CCDC7: variants seen among roughly 807,000 people sequenced by gnomAD.
CCDC7 encodes the protein coiled-coil domain containing 7.
In CCDC7, 183 loss-of-function variants were observed where a neutral mutation model predicts 196.9. That is an observed-to-expected ratio of 0.93 (90% CI 0.82 to 1.05). The LOEUF is 1.05. Among genes scored for constraint, CCDC7 ranks in the 50% least tolerant of loss-of-function variants. CCDC7 has a pLI of 0.00. For missense variants in CCDC7, 1,540 were observed against 1,482.2 expected, an observed-to-expected ratio of 1.04 and a Z score of -0.64; for synonymous variants, 525 against 484.6, an observed-to-expected ratio of 1.08 and a Z score of -1.10.
At chr10:32,709,117 T>C (rs1363430141) in intron 24 of CCDC7, among the ~76,000 whole-genome samples, 2 of 152,048 alleles carry the variant, frequency 1.3e-5, no homozygotes, top group African/African-American at 2.4e-5. Flanking sequence ...GTGGCACATA[T>C]ACACCATGGA....
At chr10:32,700,795 G>T (rs900221077) in intron 24 of CCDC7, among the ~76,000 whole-genome samples, 1 of 152,052 alleles carries the variant, frequency 6.6e-6, no homozygotes, top group African/African-American at 2.4e-5. Flanking sequence ...GGATTCCTAG[G>T]TATTTTATTT....
chr10:32,730,646 T>C (rs1172080184), intron 28 of CCDC7, among the ~76,000 whole-genome samples: 1 of 152,054 alleles, frequency 6.6e-6, no homozygotes, highest in Non-Finnish European at 1.5e-5. Context: ...TGTATTTATA[T>C]GCTTATATTT....
intron 30 of CCDC7, among the ~76,000 whole-genome samples, chr10:32,808,316 A>T (rs2086297295): frequency 1.3e-5 from 2 of 152,086 alleles, no homozygotes; most frequent in African/African-American, 2.4e-5. Context: ...GGGACCTCAC[A>T]ATAGGCCCAG....
rs540504703 is a variant in CCDC7 at position 32,849,142 on chromosome 10, G to A, written c.3895+424G>A. On this transcript the variant is annotated intron_variant, in intron 39 of 41. Transcript: ENST00000639629. ...TTTTTTTTTTCATTTATACCCATCC[G>A]AAAGTTACTAAATTATATCTCACTC... Among the ~76,000 whole-genome samples the A allele has an allele frequency of 7.4e-5, 11 of 149,400 alleles. No homozygotes were observed. In the East Asian group the frequency reaches 1.4e-3, roughly 19 times the overall value.
At chr10:32,732,577 G>A (rs773932201) in intron 28 of CCDC7, among the ~76,000 whole-genome samples, 1 of 151,902 alleles carries the variant, frequency 6.6e-6, no homozygotes, top group East Asian at 1.9e-4. Flanking sequence ...TTTGTTCTAT[G>A]TTTCTAAAGC....
At chr10:32,521,716 G>A (rs2047908874) in intron 11 of CCDC7, among the ~76,000 whole-genome samples, 1 of 151,770 alleles carries the variant, frequency 6.6e-6, no homozygotes, top group African/African-American at 2.4e-5. Flanking sequence ...GATTGCTCTA[G>A]TGAGAACTTC....
intron 25 of CCDC7, among the ~76,000 whole-genome samples, chr10:32,713,107 G>A (rs2081075222): frequency 6.6e-6 from 1 of 152,254 alleles, no homozygotes; most frequent in South Asian, 2.1e-4. Context: ...GCTAGTGTTG[G>A]TTCATATAGA....
intron 16 of CCDC7, among the ~76,000 whole-genome samples, chr10:32,582,146 T>C (rs924799331): frequency 5.2e-5 from 4 of 76,224 alleles, no homozygotes; most frequent in African/African-American, 1.5e-4. Flanking sequence ...ATATACTTTT[T>C]TTTTCAGAGC....
chr10:32,840,331 T>C (rs1420220403), intron 33 of CCDC7, among the ~76,000 whole-genome samples: 1 of 151,994 alleles, frequency 6.6e-6, no homozygotes. Context: ...TTACAACTTA[T>C]ACCACAGAAA....
At chr10:32,593,047 C>A (rs924174925) in intron 18 of CCDC7, among the ~76,000 whole-genome samples, 2 of 152,148 alleles carry the variant, frequency 1.3e-5, no homozygotes, top group Non-Finnish European at 2.9e-5. Context: ...GATTTATAAT[C>A]CTTTGGGTAT....
intron 1 of CCDC7, among the ~76,000 whole-genome samples, chr10:32,452,525 T>C (rs1186700912): frequency 6.6e-6 from 1 of 152,382 alleles, no homozygotes; most frequent in African/African-American, 2.4e-5. Flanking sequence ...TGGCATGATC[T>C]TGGCTCACTG....
At chr10:32,869,701 T>C (rs1224592195) in intron 41 of CCDC7, among the ~76,000 whole-genome samples, 1 of 152,204 alleles carries the variant, frequency 6.6e-6, no homozygotes, top group East Asian at 1.9e-4. Flanking sequence ...GGTTTAGGTC[T>C]AACATTTAGG....
intron 37 of CCDC7, among the ~76,000 whole-genome samples, chr10:32,847,458 G>C (rs757702996): frequency 1.3e-5 from 2 of 152,078 alleles, no homozygotes; most frequent in Non-Finnish European, 2.9e-5. Flanking sequence ...AGAGTTAAAG[G>C]AAATTATTCT....
intron 8 of CCDC7, among the ~76,000 whole-genome samples, chr10:32,485,220 G>A (rs2040800336): frequency 6.6e-6 from 1 of 152,190 alleles, no homozygotes; most frequent in Admixed American, 6.5e-5. Context: ...TCCTGGTTTA[G>A]TCTTGGGACG....
At chr10:32,694,009 T>G (rs1309571840) in intron 23 of CCDC7, among the ~76,000 whole-genome samples, 1 of 152,188 alleles carries the variant, frequency 6.6e-6, no homozygotes, top group African/African-American at 2.4e-5. Context: ...ATACAATAAT[T>G]ATACAAATGC....
intron 20 of CCDC7, among the ~76,000 whole-genome samples, chr10:32,656,195 T>C (rs2069824507): frequency 6.6e-6 from 1 of 152,118 alleles, no homozygotes; most frequent in South Asian, 2.1e-4. Flanking sequence ...CCTCAAAAAA[T>C]TAAAAACAGA....
At chr10:32,753,756 T>C (rs2075998738) in intron 28 of CCDC7, among the ~76,000 whole-genome samples, 1 of 152,202 alleles carries the variant, frequency 6.6e-6, no homozygotes, top group African/African-American at 2.4e-5. Flanking sequence ...TCTTAGAACA[T>C]GCAATTGTGT....
At chr10:32,821,816 TG>T (rs1295681139) in intron 31 of CCDC7, among the ~76,000 whole-genome samples, 6 of 146,814 alleles carry the variant, frequency 4.1e-5, no homozygotes, top group Admixed American at 1.4e-4. Context: ...TGTTGTGGGG[TG>T]GGGGTAGGGG....
chr10:32,559,862 T>C (rs2055125186), intron 13 of CCDC7, among the ~76,000 whole-genome samples: 1 of 152,116 alleles, frequency 6.6e-6, no homozygotes, highest in Admixed American at 6.5e-5. Flanking sequence ...CTTCAGACGA[T>C]CAAACTACTC....
Sources: gnomAD v4.1 joint callset for allele counts (sites outside exome capture counted in the v4.1 genomes callset) on GRCh38, gnomAD v4.1.1 for gene constraint, MANE v1.5 for transcripts, NCBI Gene and HGNC (gene_info 2026-07-23, HGNC 2026-07-21) for gene names.